Variants in DNAJC11 observed in about 807,000 individuals in gnomAD.
DNAJC11 encodes the protein dnaJ homolog subfamily C member 11.
Under a neutral mutation model 78.6 loss-of-function variants are expected in DNAJC11, and 15 were observed. The ratio of observed to expected loss-of-function variants is 0.19; its 90% CI spans 0.13 to 0.29. DNAJC11 has a LOEUF of 0.29. Among genes scored for constraint, DNAJC11 ranks in the 10% least tolerant of loss-of-function variants. The probability of loss-of-function intolerance (pLI) is 1.00; values close to 1 mark genes in which losing one functional copy is unlikely to be tolerated. For synonymous variants in DNAJC11, 292 were observed against 272.1 expected (o/e 1.07, Z -0.72); for missense variants, 547 against 709.6 (o/e 0.77, Z 2.60).
chr1:6,667,832 G>C, intron 3 of DNAJC11, 22 bp from the exon 4 acceptor site: 1 of 1,608,684 alleles, frequency 6.2e-7, no homozygotes, highest in African/African-American at 1.3e-5. Context: ...ATCAAGATGG[G>C]AAGACAGTTG....
chr1:6,696,992 G>A lies in DNAJC11; in HGVS notation c.72+4737C>T, dbSNP rs912762877. Among the ~76,000 whole-genome samples the A allele has an allele frequency of 2.0e-5, 3 of 152,304 alleles. No homozygotes were observed. The East Asian group carries it at 5.8e-4, about 29-fold the overall frequency. On this transcript the variant is annotated intron_variant, in intron 1 of 15. Transcript: ENST00000377577. ...GTGTCAATTAAATTTCCTAATTAAT[G>A]GATCAGGTAAATTTAACTCTGATTT... is the stretch of plus-strand genomic sequence containing the variant.
chr1:6,684,743 C>T (rs1642611105), intron 1 of DNAJC11, among the ~76,000 whole-genome samples: 1 of 152,088 alleles, frequency 6.6e-6, no homozygotes, highest in Non-Finnish European at 1.5e-5. Flanking sequence ...TTTCAAAATG[C>T]AATGAGATTA....
At position 6,692,104 on chromosome 1, in the gene DNAJC11, T is replaced by C. The variant is rs3789569; in HGVS notation, c.72+9625A>G. On this transcript the variant is annotated intron_variant, in intron 1 of 15. Transcript: ENST00000377577. The stretch of plus-strand genomic sequence containing the variant: ...CAAATACAAAAGTTTTCCATTGAAT[T>C]CTCTTTAAGAAAGAAAATAAAAGAG... 1.9e-3 allele frequency among the ~76,000 whole-genome samples: 291 copies of C among 152,338 alleles called. 9 individuals carry two copies. The East Asian group carries it at 0.047, about 24-fold the overall frequency.
chr1:6,668,433 C>T (rs975153451), intron 3 of DNAJC11, among the ~76,000 whole-genome samples: 7 of 152,130 alleles, frequency 4.6e-5, no homozygotes, highest in East Asian at 3.9e-4. Context: ...GCCACTGCGC[C>T]GGCCTACCTT....
intron 7 of DNAJC11, 114 bp downstream of exon 7, chr1:6,651,415 G>A: frequency 1.1e-6 from 1 of 898,472 alleles, no homozygotes. Flanking sequence ...TGTACGCAGT[G>A]ACCTTGTAGG....
intron 10 of DNAJC11, 70 bp from the exon 11 acceptor site, chr1:6,640,127 G>A (rs1216121929): frequency 2.0e-6 from 3 of 1,478,146 alleles, no homozygotes; most frequent in Non-Finnish European, 2.7e-6. Flanking sequence ...AGGGCAATGG[G>A]GTGTCAGGCA....
chr1:6,701,639 T>G (rs1642930941), intron 1 of DNAJC11, 90 bp downstream of exon 1: 17 of 1,346,254 alleles, frequency 1.3e-5, no homozygotes, highest in Non-Finnish European at 1.7e-5. Context: ...GAGCCTCCCG[T>G]GGCGGGGGTG....
chr1:6,646,045 C>T (rs990572903), intron 7 of DNAJC11, 67 bp from the exon 8 acceptor site: 14 of 1,527,630 alleles, frequency 9.2e-6, no homozygotes, highest in Non-Finnish European at 1.2e-5. Context: ...GTTACTTCCT[C>T]TCTGCCTGGC....
intron 1 of DNAJC11, among the ~76,000 whole-genome samples, chr1:6,699,950 A>C (rs553008873): frequency 2.0e-5 from 3 of 152,254 alleles, no homozygotes; most frequent in Non-Finnish European, 4.4e-5. Context: ...TCTGAGCCCA[A>C]GCTAAGCCAT....
At chr1:6,647,001 C>T (rs1449938068) in intron 7 of DNAJC11, among the ~76,000 whole-genome samples, 1 of 151,294 alleles carries the variant, frequency 6.6e-6, no homozygotes, top group Non-Finnish European at 1.5e-5. Flanking sequence ...ACAAAAAAGA[C>T]ACAAAATTAG....
chr1:6,700,275 A>C (rs372632316), intron 1 of DNAJC11, among the ~76,000 whole-genome samples: 247 of 152,280 alleles, frequency 1.6e-3, no homozygotes, highest in African/African-American at 5.7e-3. Flanking sequence ...TCCCAAACCT[A>C]TAAGAACTAA....
In DNAJC11 at chr1:6,636,172, G is replaced by A. The variant is rs139008319; in HGVS notation, c.1599C>T (p.Gly533=). The change falls in exon 15 of 16, where the codon GGC becomes GGT. Residue 533 remains glycine (G), a synonymous_variant. Transcript: ENST00000377577. ...KNLKVLYQFR[G]VLHQVMVLDS... ...CCAGCACCATCACCTGATGCAGGAC[G>A]CCCCGGAACTGATAGAGCACTTTCA... 13,598 of 1,614,122 alleles carry A rather than the reference G, an allele frequency of 8.4e-3. 86 individuals carry two copies. Among genetic ancestry groups the A allele is most frequent in the Non-Finnish European group, 0.01 (12,332 of 1,180,022 alleles).
intron 14 of DNAJC11, 94 bp downstream of exon 14, chr1:6,637,104 C>A: frequency 6.6e-7 from 1 of 1,523,902 alleles, no homozygotes; most frequent in Admixed American, 1.8e-5. Context: ...CCCACCTTGG[C>A]CTTCCAAAGT....
intron 4 of DNAJC11, among the ~76,000 whole-genome samples, chr1:6,665,183 T>A (rs1393160821): frequency 6.6e-6 from 1 of 152,210 alleles, no homozygotes; most frequent in African/African-American, 2.4e-5. Context: ...CCCTCCTTCG[T>A]CTGCCTCCCA....
rs1642269931 is a variant in DNAJC11, at chr1:6,664,711, C to T, written c.378+2998G>A. On this transcript the variant is annotated intron_variant, in intron 4 of 15. Transcript: ENST00000377577. ...AGATTATCTTTCCCTAATAAATTAA[C>T]ATCTATTTCATGTGTTTTCAGTCTT... Among the ~76,000 whole-genome samples, 6 of 152,298 alleles carry T rather than the reference C, an allele frequency of 3.9e-5. 1 individual carries two copies. In the South Asian group the frequency reaches 1.2e-3, roughly 32 times the overall value.
intron 4 of DNAJC11, among the ~76,000 whole-genome samples, chr1:6,658,641 C>A (rs200383696): frequency 1.4e-5 from 2 of 143,106 alleles, no homozygotes; most frequent in Non-Finnish European, 1.5e-5. Flanking sequence ...ATTACTCTGA[C>A]AAAAAAAATT....
rs144905930 is a variant in DNAJC11 at position 6,649,187 on chromosome 1, T to C, written c.704+2342A>G. 4.3e-3 allele frequency among the ~76,000 whole-genome samples: 634 copies of C among 148,320 alleles called. 7 individuals are homozygous for C. Among genetic ancestry groups the C allele is most frequent in the African/African-American group, 0.015 (602 of 40,868 alleles). ...TCTTCTTGTGTCTGGAAGCACTGCT[T>C]TTTTTTTTTTGAGACAGAGTCGCCC... On this transcript the variant is annotated intron_variant, in intron 7 of 15. Transcript: ENST00000377577.
chr1:6,637,185 G>C lies in DNAJC11; in HGVS notation c.1524+13C>G. 6.2e-7 allele frequency: 1 copy of C among 1,613,866 alleles called. No individual in the cohort carries two copies. The highest frequency in any genetic ancestry group is 8.5e-7 in the Non-Finnish European group (1 of 1,179,862). ...TGTGAGCACATAGCATGTGGTGGCT[G>C]GTGCTGCTGTACCTTGGAGGCCTCC... On this transcript the variant is annotated intron_variant, in intron 14 of 15. Transcript: ENST00000377577.
chr1:6,650,671 C>T (rs1038857924), intron 7 of DNAJC11, among the ~76,000 whole-genome samples: 4 of 151,720 alleles, frequency 2.6e-5, no homozygotes, highest in South Asian at 2.1e-4. Flanking sequence ...GTCAGGAGTT[C>T]GAGACCAGCC....
Sources: allele counts gnomAD v4.1 joint callset (sites outside exome capture counted in the v4.1 genomes callset), GRCh38; gene constraint gnomAD v4.1.1; transcripts MANE v1.5; gene names NCBI Gene and HGNC (gene_info 2026-07-23, HGNC 2026-07-21).